The following RNLS variants were observed in gnomAD, a reference collection of about 807,000 sequenced individuals.
RNLS encodes the protein renalase.
In RNLS, 39 loss-of-function variants were observed where a neutral mutation model predicts 39.8. The observed-to-expected ratio is 0.98, with a 90% confidence interval of 0.76 to 1.28. The LOEUF is 1.28. Among genes scored for constraint, RNLS ranks in the 50% most tolerant of loss-of-function variants. RNLS has a pLI of 0.00. For missense variants in RNLS, 410 were observed against 413.3 expected (o/e 0.99, Z 0.07); for synonymous variants, 147 against 150.7 (o/e 0.98, Z 0.18).
intron 4 of RNLS, among the ~76,000 whole-genome samples, chr10:88,490,896 A>C (rs969370660): frequency 1.3e-5 from 2 of 152,198 alleles, no homozygotes; most frequent in African/African-American, 4.8e-5. Flanking sequence ...GGATAAAAAT[A>C]AATTAACATA....
At chr10:88,506,918 TG>T (rs1293351680) in intron 4 of RNLS, among the ~76,000 whole-genome samples, 5 of 152,276 alleles carry the variant, frequency 3.3e-5, no homozygotes, top group African/African-American at 1.2e-4. Flanking sequence ...TACTGAGCTC[TG>T]ACAGAATTTC....
At chr10:88,519,128 T>C (rs1846568105) in intron 4 of RNLS, among the ~76,000 whole-genome samples, 1 of 152,012 alleles carries the variant, frequency 6.6e-6, no homozygotes, top group African/African-American at 2.4e-5. Flanking sequence ...CTCCCAGGCA[T>C]TTCTGTATTT....
chr10:88,245,070 A>C, the RNLS span, among the ~76,000 whole-genome samples: 1 of 152,202 alleles, frequency 6.6e-6, no homozygotes, highest in Non-Finnish European at 1.5e-5. Context: ...GAAGAAAAAA[A>C]GGGGAAAAAA....
chr10:88,176,459 C>A, the RNLS span, among the ~76,000 whole-genome samples: 2 of 152,190 alleles, frequency 1.3e-5, no homozygotes, highest in Admixed American at 6.5e-5. Context: ...CAGATGTGAG[C>A]CACTGCACCC....
At chr10:88,495,426 G>T (rs1158539823) in intron 4 of RNLS, among the ~76,000 whole-genome samples, 1 of 152,012 alleles carries the variant, frequency 6.6e-6, no homozygotes, top group African/African-American at 2.4e-5. Context: ...TATGGCAAAT[G>T]GTTATATTAT....
chr10:88,248,020 T>C, the RNLS span, among the ~76,000 whole-genome samples: 1 of 152,352 alleles, frequency 6.6e-6, no homozygotes, highest in Non-Finnish European at 1.5e-5. Context: ...AGAGATGTTG[T>C]GGATTTCTGA....
the RNLS span, among the ~76,000 whole-genome samples, chr10:88,253,831 G>A: frequency 1.3e-5 from 2 of 152,098 alleles, no homozygotes; most frequent in East Asian, 1.9e-4. Context: ...TTGTCCCCCT[G>A]GGGCGTGGAC....
At chr10:88,363,137 G>A (rs981713555) in intron 4 of RNLS, among the ~76,000 whole-genome samples, 1 of 151,938 alleles carries the variant, frequency 6.6e-6, no homozygotes, top group Non-Finnish European at 1.5e-5. Flanking sequence ...GAAAGGTAGA[G>A]TATTATTTCC....
intron 4 of RNLS, among the ~76,000 whole-genome samples, chr10:88,429,669 AT>A (rs1337367029): frequency 2.0e-5 from 3 of 151,866 alleles, no homozygotes; most frequent in Non-Finnish European, 4.4e-5. Context: ...TAGGCCTGTG[AT>A]TCACTTTGAG....
intron 4 of RNLS, among the ~76,000 whole-genome samples, chr10:88,401,174 C>A (rs1375062723): frequency 1.3e-5 from 2 of 151,842 alleles, no homozygotes; most frequent in Non-Finnish European, 2.9e-5. Context: ...AAATGCACTT[C>A]TGATTATTCT....
chr10:88,355,322 G>A (rs1849069850), intron 5 of RNLS, among the ~76,000 whole-genome samples: 1 of 152,148 alleles, frequency 6.6e-6, no homozygotes, highest in African/African-American at 2.4e-5. Flanking sequence ...TTTCTGTTCT[G>A]TTTTTTCCCC....
At chr10:88,573,906 T>TGAAGTGG (rs1850004142) in intron 3 of RNLS, among the ~76,000 whole-genome samples, 2 of 152,286 alleles carry the variant, frequency 1.3e-5, no homozygotes, top group Middle Eastern at 6.8e-3. Context: ...TTTGGGAGGC[T>TGAAGTGG]GAAGTGGGTG....
intron 4 of RNLS, among the ~76,000 whole-genome samples, chr10:88,472,494 G>A (rs1843603787): frequency 6.6e-6 from 1 of 152,130 alleles, no homozygotes; most frequent in Non-Finnish European, 1.5e-5. Context: ...GCCCAAACAA[G>A]ACTTCAAGAG....
chr10:88,499,089 G>A (rs1009755363), intron 4 of RNLS, among the ~76,000 whole-genome samples: 1 of 152,064 alleles, frequency 6.6e-6, no homozygotes, highest in Non-Finnish European at 1.5e-5. Context: ...CTTATGCAGG[G>A]GAATGTCCTT....
At chr10:88,340,223 C>T (rs1481255267) in intron 5 of RNLS, among the ~76,000 whole-genome samples, 1 of 152,218 alleles carries the variant, frequency 6.6e-6, no homozygotes, top group African/African-American at 2.4e-5. Flanking sequence ...AGAATCCCTG[C>T]TGCAGGGTGC....
At chr10:88,243,744 T>TAAAG in the RNLS span, among the ~76,000 whole-genome samples, 1 of 152,250 alleles carries the variant, frequency 6.6e-6, no homozygotes, top group Non-Finnish European at 1.5e-5. Flanking sequence ...AGCAGCTCTT[T>TAAAG]AACGGACACT....
intron 4 of RNLS, among the ~76,000 whole-genome samples, chr10:88,510,930 C>G (rs927111160): frequency 1.3e-5 from 2 of 148,970 alleles, no homozygotes; most frequent in Non-Finnish European, 3.0e-5. Context: ...TTAGTATTAC[C>G]TTTTTTTAAA....
chr10:88,364,472 T>C (rs146674918), intron 4 of RNLS, among the ~76,000 whole-genome samples: 10 of 152,296 alleles, frequency 6.6e-5, no homozygotes, highest in African/African-American at 2.2e-4. Context: ...GAGATTCAGA[T>C]TGGTTAACTA....
chr10:88,315,033 C>A (rs1284362663), intron 5 of RNLS, among the ~76,000 whole-genome samples: 1 of 152,068 alleles, frequency 6.6e-6, no homozygotes, highest in Non-Finnish European at 1.5e-5. Context: ...ATTCTGAGAA[C>A]AAAGTATATA....
Sources: allele counts gnomAD v4.1 joint callset (sites outside exome capture counted in the v4.1 genomes callset), GRCh38; gene constraint gnomAD v4.1.1; transcripts MANE v1.5; gene names NCBI Gene and HGNC (gene_info 2026-07-23, HGNC 2026-07-21).